Variants in OPCML observed in about 807,000 individuals in gnomAD.
OPCML encodes opioid-binding protein/cell adhesion molecule.
A neutral mutation model predicts 37.8 loss-of-function variants in OPCML; 13 were observed. The observed-to-expected ratio is 0.34, with a 90% confidence interval of 0.22 to 0.55. The LOEUF (loss-of-function observed/expected upper bound fraction) is 0.55. Among genes scored for constraint, OPCML ranks in the 20% least tolerant of loss-of-function variants. The pLI is 0.91. For synonymous variants in OPCML, 176 were observed against 168.8 expected, an observed-to-expected ratio of 1.04 and a Z score of -0.33; for missense variants, 341 against 435.6, an observed-to-expected ratio of 0.78 and a Z score of 1.93.
At chr11:132,588,313 C>G (rs2096477443) in intron 3 of OPCML, among the ~76,000 whole-genome samples, 1 of 152,106 alleles carries the variant, frequency 6.6e-6, no homozygotes, top group Admixed American at 6.6e-5. Context: ...CTTCAGACCC[C>G]ACAGAAATGA....
At chr11:133,331,599 A>G (rs1173115911) in intron 1 of OPCML, among the ~76,000 whole-genome samples, 4 of 152,202 alleles carry the variant, frequency 2.6e-5, no homozygotes, top group African/African-American at 9.6e-5. Flanking sequence ...CTTGTCTCTT[A>G]ATCATTGGCT....
intron 2 of OPCML, among the ~76,000 whole-genome samples, chr11:132,776,199 G>T (rs2136136488): frequency 6.6e-6 from 1 of 152,324 alleles, no homozygotes; most frequent in African/African-American, 2.4e-5. Flanking sequence ...AAACTGCTGT[G>T]ATTATAGGTG....
intron 2 of OPCML, among the ~76,000 whole-genome samples, chr11:132,809,705 A>C (rs1939218456): frequency 6.6e-6 from 1 of 152,016 alleles, no homozygotes; most frequent in South Asian, 2.1e-4. Context: ...ATTTATGTTA[A>C]ATTCTATGAG....
At chr11:132,905,838 G>C (rs920453276) in intron 2 of OPCML, among the ~76,000 whole-genome samples, 13 of 152,040 alleles carry the variant, frequency 8.6e-5, no homozygotes, top group African/African-American at 3.1e-4. Context: ...CCATTGTTTT[G>C]AGAATTAAAC....
chr11:132,492,753 T>C (rs1565610046), intron 4 of OPCML, among the ~76,000 whole-genome samples: 1 of 120,786 alleles, frequency 8.3e-6, no homozygotes, highest in Non-Finnish European at 1.8e-5. Flanking sequence ...ATTTATTGTC[T>C]TTCAGCCCTA....
At chr11:133,021,418 A>G (rs1193351492) in intron 1 of OPCML, among the ~76,000 whole-genome samples, 2 of 151,906 alleles carry the variant, frequency 1.3e-5, no homozygotes, top group African/African-American at 4.8e-5. Flanking sequence ...TCATAATCCA[A>G]CTTTTCTGTG....
intron 2 of OPCML, among the ~76,000 whole-genome samples, chr11:132,739,066 A>G (rs1340542202): frequency 1.3e-5 from 2 of 152,192 alleles, no homozygotes; most frequent in East Asian, 1.9e-4. Context: ...CTCGACTCCT[A>G]TCAGCTCAGA....
At chr11:132,946,544 G>A (rs745980248) in intron 1 of OPCML, among the ~76,000 whole-genome samples, 2 of 152,182 alleles carry the variant, frequency 1.3e-5, no homozygotes, top group Non-Finnish European at 2.9e-5. Flanking sequence ...TGTCACTGGA[G>A]GATGAGAAGT....
At position 133,095,653 on chromosome 11, in the gene OPCML, C is replaced by T. The variant is rs545680736; in HGVS notation, c.62-152643G>A. On this transcript the variant is annotated intron_variant, in intron 1 of 7. Transcript: ENST00000524381. ...TAGTCATGAATTCTAATAAGAAAAGCCTACACATTCATATTCAAATTTCAG... is the reference window on the plus strand; with the variant it reads ...TAGTCATGAATTCTAATAAGAAAAGTCTACACATTCATATTCAAATTTCAG... Among the ~76,000 whole-genome samples the T allele has an allele frequency of 4.8e-5, 7 of 146,126 alleles. No homozygotes were observed. The South Asian group carries it at 1.4e-3, about 29-fold the overall frequency.
chr11:132,970,256 G>T (rs1171125573), intron 1 of OPCML, among the ~76,000 whole-genome samples: 2 of 152,034 alleles, frequency 1.3e-5, no homozygotes, highest in East Asian at 1.9e-4. Context: ...AATCCTCAAA[G>T]AATTATATAG....
intron 1 of OPCML, among the ~76,000 whole-genome samples, chr11:132,978,680 GTCC>G (rs1037553001): frequency 6.6e-6 from 1 of 152,150 alleles, no homozygotes; most frequent in African/African-American, 2.4e-5. Context: ...TTGGATCTCT[GTCC>G]TCCTCTGTCT....
chr11:133,426,425 G>C (rs568778112), intron 1 of OPCML, among the ~76,000 whole-genome samples: 1 of 152,144 alleles, frequency 6.6e-6, no homozygotes, highest in East Asian at 1.9e-4. Context: ...AGCAGACACA[G>C]AGATACTCTA....
At chr11:132,531,379 T>G (rs1480286249) in intron 3 of OPCML, among the ~76,000 whole-genome samples, 1 of 152,174 alleles carries the variant, frequency 6.6e-6, no homozygotes, top group Non-Finnish European at 1.5e-5. Flanking sequence ...CCAATTTAAT[T>G]GTGAATTATT....
At chr11:132,598,915 C>T (rs2512711) in intron 3 of OPCML, among the ~76,000 whole-genome samples, 110,029 of 152,128 alleles carry the variant, frequency 0.72, 40,167 homozygotes, top group East Asian at 0.87. Context: ...TTTAGCTCAG[C>T]CCTGAGTTTT....
chr11:133,531,419 G>A (rs1339370747), intron 1 of OPCML, among the ~76,000 whole-genome samples: 1 of 152,174 alleles, frequency 6.6e-6, no homozygotes, highest in African/African-American at 2.4e-5. Context: ...AGGGGCTGGG[G>A]AGAATCAGGC....
chr11:132,836,733 C>G (rs934605079), intron 2 of OPCML, among the ~76,000 whole-genome samples: 2 of 152,094 alleles, frequency 1.3e-5, no homozygotes, highest in Non-Finnish European at 2.9e-5. Context: ...ATATGTACGG[C>G]ATGACTGAAC....
At chr11:133,222,870 C>T (rs1939896302) in intron 1 of OPCML, among the ~76,000 whole-genome samples, 1 of 152,070 alleles carries the variant, frequency 6.6e-6, no homozygotes, top group Non-Finnish European at 1.5e-5. Flanking sequence ...TCTGCAGTGA[C>T]AGGAGGAGAC....
intron 1 of OPCML, among the ~76,000 whole-genome samples, chr11:133,207,013 C>A (rs137968931): frequency 6.6e-6 from 1 of 150,596 alleles, no homozygotes; most frequent in Non-Finnish European, 1.5e-5. Flanking sequence ...AAGAGCCGGG[C>A]GCGGTGGCTC....
intron 1 of OPCML, among the ~76,000 whole-genome samples, chr11:133,292,349 A>G (rs1942503162): frequency 6.6e-6 from 1 of 152,164 alleles, no homozygotes; most frequent in African/African-American, 2.4e-5. Context: ...TCCAATACCC[A>G]GAAAATCTTC....
Sources: gnomAD v4.1 joint callset for allele counts (sites outside exome capture counted in the v4.1 genomes callset) on GRCh38, gnomAD v4.1.1 for gene constraint, MANE v1.5 for transcripts, NCBI Gene and HGNC (gene_info 2026-07-23, HGNC 2026-07-21) for gene names.